The following RAPH1 variants were observed in gnomAD, a reference collection of about 807,000 sequenced individuals.
RAPH1 encodes ras-associated and pleckstrin homology domains-containing protein 1.
RAPH1 carries 18 observed loss-of-function variants against 88.1 expected under a neutral mutation model. That is an observed-to-expected ratio of 0.20 (90% confidence interval 0.14 to 0.30). The LOEUF (loss-of-function observed/expected upper bound fraction) is 0.30. Among genes scored for constraint, RAPH1 ranks in the 10% least tolerant of loss-of-function variants. The pLI, the probability that RAPH1 is intolerant of heterozygous loss-of-function variation, is 1.00. For missense variants in RAPH1, 1,448 were observed against 1,543.2 expected (o/e 0.94, Z 1.03); for synonymous variants, 587 against 559.0 (o/e 1.05, Z -0.71).
At chr2:203,464,354 C>T (rs990203166) in intron 4 of RAPH1, among the ~76,000 whole-genome samples, 3 of 152,220 alleles carry the variant, frequency 2.0e-5, no homozygotes, top group African/African-American at 7.2e-5. Flanking sequence ...TCACTGCAAC[C>T]TCCACCTCCC....
intron 5 of RAPH1, 144 bp downstream of exon 5, chr2:203,461,701 ATAC>A (rs1019287440): frequency 7.8e-5 from 47 of 599,788 alleles, no homozygotes; most frequent in Admixed American, 1.1e-4. Flanking sequence ...CCCACAAAAA[ATAC>A]TACATGTGAA....
chr2:203,511,945 A>G (rs1278913139), intron 1 of RAPH1, among the ~76,000 whole-genome samples: 1 of 152,002 alleles, frequency 6.6e-6, no homozygotes, highest in African/African-American at 2.4e-5. Flanking sequence ...CCCTGTCTCT[A>G]CTGAAAATAC....
chr2:203,498,586 G>A (rs990694793), intron 1 of RAPH1, among the ~76,000 whole-genome samples: 4 of 152,104 alleles, frequency 2.6e-5, no homozygotes, highest in Admixed American at 1.3e-4. Flanking sequence ...CAACACCTCC[G>A]ATTTCAGGCA....
chr2:203,457,055 C>G (rs1478554415), intron 8 of RAPH1, among the ~76,000 whole-genome samples: 1 of 152,128 alleles, frequency 6.6e-6, no homozygotes, highest in Non-Finnish European at 1.5e-5. Flanking sequence ...CTAACACGTT[C>G]ACACAGTTGA....
intron 1 of RAPH1, among the ~76,000 whole-genome samples, chr2:203,501,163 G>A (rs1466346494): frequency 1.3e-5 from 2 of 152,086 alleles, no homozygotes; most frequent in African/African-American, 4.8e-5. Flanking sequence ...GAAAAAAAAT[G>A]TTAAATTTAG....
intron 1 of RAPH1, among the ~76,000 whole-genome samples, chr2:203,527,999 A>T (rs1303399519): frequency 6.6e-6 from 1 of 152,092 alleles, no homozygotes; most frequent in African/African-American, 2.4e-5. Flanking sequence ...TTAAGGAGTG[A>T]TCATGGTATT....
chr2:203,483,940 G>A (rs957677078), intron 4 of RAPH1, among the ~76,000 whole-genome samples: 3 of 152,040 alleles, frequency 2.0e-5, no homozygotes, highest in Non-Finnish European at 4.4e-5. Context: ...TCCTGGTTCC[G>A]AGGCTTTTTG....
rs1383820931 is a variant in RAPH1 at position 203,439,820 on chromosome 2, G to A, written c.3370C>T (p.Arg1124Ter). 4 of 1,614,128 alleles carry A rather than the reference G, an allele frequency of 2.5e-6. No homozygotes were observed. Among genetic ancestry groups the A allele is most frequent in the Non-Finnish European group, 2.5e-6 (3 of 1,180,024 alleles). ...CGGGTGCTATCATTCCGTTTGGGTC[G>A]TGTGGGTGGAGGGGCCTTCTTCACT... is the stretch of plus-strand genomic sequence containing the variant. ...MSVKKAPPPT[R>*]PKRNDSTRLT... Residue 1124 changes from arginine to a stop codon, truncating the protein, a stop_gained, in exon 14 of 14, where the codon CGA becomes TGA. Transcript: ENST00000319170. LOFTEE classifies it high-confidence loss of function.
rs1350923882 is a variant in RAPH1, at chr2:203,503,836, G to C, written c.1-8483C>G. The stretch of plus-strand genomic sequence containing the variant: ...TGGGTAAATACAGCCGTTCCAAATG[G>C]GAGAACTTGGCCAAAACAAAGGGGT... On this transcript the variant is annotated intron_variant, in intron 1 of 13. Coordinates refer to ENST00000319170, the MANE Select transcript of RAPH1 (RefSeq NM_213589.3). Among the ~76,000 whole-genome samples the C allele has an allele frequency of 2.0e-5, 3 of 152,272 alleles. No individual in the cohort carries two copies. In the East Asian group the frequency reaches 5.8e-4, roughly 29 times the overall value.
chr2:203,472,127 CTTTT>C (rs531692694), intron 4 of RAPH1, among the ~76,000 whole-genome samples: 2 of 140,714 alleles, frequency 1.4e-5, no homozygotes, highest in Admixed American at 7.1e-5. Flanking sequence ...TTCTTTAGTT[CTTTT>C]TTTTTTTTTT....
Position 203,506,875 on chromosome 2 carries a change from T to TAG in RAPH1, c.1-11523_1-11522insCT, listed in dbSNP as rs1416465102. On this transcript the variant is annotated intron_variant, in intron 1 of 13. Coordinates refer to ENST00000319170, the MANE Select transcript of RAPH1 (RefSeq NM_213589.3). ...CTATATCTATATATATATATATATATATATAGATATATATATATATATATT... is the reference window on the plus strand; with the variant it reads ...CTATATCTATATATATATATATATATAGATATAGATATATATATATATATATT... 2.7e-3 allele frequency among the ~76,000 whole-genome samples: 267 copies of TAG among 99,958 alleles called. 18 individuals are homozygous for TAG. The highest frequency in any genetic ancestry group is 0.022 in the East Asian group (96 of 4,312). 65.6% of individuals were successfully genotyped at this position (99,958 alleles called of 152,430 possible).
intron 1 of RAPH1, among the ~76,000 whole-genome samples, chr2:203,505,845 G>A (rs1040939720): frequency 2.6e-5 from 4 of 152,068 alleles, no homozygotes; most frequent in South Asian, 2.1e-4. Flanking sequence ...ACACGCGCGC[G>A]CACGCACACA....
chr2:203,470,995 C>T (rs2153646333), intron 4 of RAPH1, among the ~76,000 whole-genome samples: 1 of 152,306 alleles, frequency 6.6e-6, no homozygotes, highest in South Asian at 2.1e-4. Flanking sequence ...ATTCAAGTAA[C>T]TGTTTTCGTG....
chr2:203,474,206 G>A (rs1267326475), intron 4 of RAPH1, among the ~76,000 whole-genome samples: 1 of 152,212 alleles, frequency 6.6e-6, no homozygotes, highest in East Asian at 1.9e-4. Flanking sequence ...GTTCTCAAAA[G>A]AGGGTAGCTC....
In RAPH1 at chr2:203,439,880, C is replaced by A; in HGVS notation, c.3310G>T (p.Val1104Phe). The A allele has an allele frequency of 6.2e-7, 1 of 1,613,836 alleles. No individual in the cohort carries two copies. Among genetic ancestry groups the A allele is most frequent in the Non-Finnish European group, 8.5e-7 (1 of 1,179,992 alleles). The change falls in exon 14 of 14, where the codon GTT becomes TTT. Residue 1104 changes from valine (V) to phenylalanine (F), a missense_variant. Val to Phe is a conservative substitution (Grantham distance 50, BLOSUM62 -1). Coordinates refer to ENST00000319170, the MANE Select transcript of RAPH1 (RefSeq NM_213589.3). ...GACCATTGTTGTGGTTGAGGATTAA[C>A]GACTGCCACTTTTGGAGAGGTGTTT... is the stretch of plus-strand genomic sequence containing the variant. ...SGNTSPKVAVVNPQPQQWSKM... is the reference protein window; with the variant it reads ...SGNTSPKVAVFNPQPQQWSKM...
intron 1 of RAPH1, among the ~76,000 whole-genome samples, chr2:203,532,196 T>TA (rs1362631169): frequency 6.6e-6 from 1 of 152,148 alleles, no homozygotes; most frequent in African/African-American, 2.4e-5. Context: ...AGTGGATAGT[T>TA]ACTGTTTTGT....
chr2:203,512,381 CAAAA>C (rs1216777911), intron 1 of RAPH1, among the ~76,000 whole-genome samples: 1 of 144,108 alleles, frequency 6.9e-6, no homozygotes, highest in African/African-American at 2.6e-5. Context: ...ACCCAAAAAA[CAAAA>C]AACAAACAAA....
intron 8 of RAPH1, 56 bp from the exon 9 acceptor site, chr2:203,455,636 G>C (rs2098518747): frequency 8.4e-6 from 13 of 1,552,178 alleles, no homozygotes; most frequent in Non-Finnish European, 1.1e-5. Flanking sequence ...TCAGAACAAA[G>C]TTGTGTTTAC....
In RAPH1 at chr2:203,448,512, C is replaced by T. The variant is rs564919576; in HGVS notation, c.1512+226G>A. On this transcript the variant is annotated intron_variant, in intron 11 of 13. Transcript: ENST00000319170. The surrounding 1 kb of genome is among the most constrained non-coding windows in gnomAD (Gnocchi z 4.1). The stretch of plus-strand genomic sequence containing the variant: ...GCCAAAATAAATCACTTTGATACTA[C>T]ACAAGCTTTTACCAGCAATATTATT... Among the ~76,000 whole-genome samples, 2 of 152,294 alleles carry T rather than the reference C, an allele frequency of 1.3e-5. No homozygotes were observed. The highest frequency in any genetic ancestry group is 2.4e-5 in the African/African-American group (1 of 41,570).
Sources: allele counts gnomAD v4.1 joint callset (sites outside exome capture counted in the v4.1 genomes callset), GRCh38; gene constraint gnomAD v4.1.1; non-coding constraint Gnocchi (gnomAD v3.1); transcripts MANE v1.5; gene names NCBI Gene and HGNC (gene_info 2026-07-23, HGNC 2026-07-21).